PTPRT: variants seen among roughly 807,000 people sequenced by gnomAD.
PTPRT encodes receptor-type tyrosine-protein phosphatase T.
A neutral mutation model predicts 176.8 loss-of-function variants in PTPRT; 56 were observed. That is an observed-to-expected ratio of 0.32 (90% CI 0.26 to 0.40). PTPRT has a LOEUF of 0.40. PTPRT is among the 10% of genes least tolerant of loss of function. The pLI, the probability that PTPRT is intolerant of heterozygous loss-of-function variation, is 1.00. For synonymous variants in PTPRT, 783 were observed against 739.0 expected (o/e 1.06, Z -0.96); for missense variants, 1,540 against 1,908.2 (o/e 0.81, Z 3.60).
chr20:42,269,204 C>G (rs998497296), intron 13 of PTPRT, among the ~76,000 whole-genome samples: 4 of 152,226 alleles, frequency 2.6e-5, no homozygotes, highest in Non-Finnish European at 4.4e-5. Context: ...ATAATTTGCA[C>G]AAGAATCTCC....
chr20:42,154,238 A>G (rs1365293784), intron 17 of PTPRT, among the ~76,000 whole-genome samples: 2 of 152,188 alleles, frequency 1.3e-5, no homozygotes, highest in Non-Finnish European at 2.9e-5. Context: ...ATATTCTGTC[A>G]TCACTCTGTT....
chr20:42,267,625 T>C (rs548468772), intron 13 of PTPRT, among the ~76,000 whole-genome samples: 1 of 152,230 alleles, frequency 6.6e-6, no homozygotes, highest in South Asian at 2.1e-4. Flanking sequence ...ACAATTGGGG[T>C]TGACGTGCTG....
chr20:43,027,397 A>G (rs1050846877), intron 1 of PTPRT, among the ~76,000 whole-genome samples: 11 of 150,874 alleles, frequency 7.3e-5, no homozygotes, highest in Non-Finnish European at 1.6e-4. Context: ...AATCGTTTGA[A>G]CCCAGGAGGT....
the PTPRT span, among the ~76,000 whole-genome samples, chr20:42,032,045 A>T: frequency 1.3e-5 from 2 of 152,200 alleles, no homozygotes; most frequent in African/African-American, 4.8e-5. Context: ...CAGACCTGGA[A>T]TTCTAACCCA....
chr20:43,083,603 C>G (rs1367149173), intron 1 of PTPRT, among the ~76,000 whole-genome samples: 1 of 151,748 alleles, frequency 6.6e-6, no homozygotes, highest in Non-Finnish European at 1.5e-5. Context: ...AAGTGATCTG[C>G]CCACCTTGGC....
chr20:42,531,961 C>T (rs2207885), intron 7 of PTPRT, among the ~76,000 whole-genome samples: 39,900 of 152,086 alleles, frequency 0.26, 7,394 homozygotes, highest in African/African-American at 0.53. Flanking sequence ...GATGAGCGTG[C>T]CCTCATGGGA....
intron 1 of PTPRT, among the ~76,000 whole-genome samples, chr20:42,925,319 T>C (rs1600562656): frequency 6.6e-6 from 1 of 152,126 alleles, no homozygotes; most frequent in African/African-American, 2.4e-5. Flanking sequence ...AAACACATAA[T>C]GAGGCTAAAA....
At chr20:42,417,962 T>C (rs2059081575) in intron 9 of PTPRT, among the ~76,000 whole-genome samples, 1 of 152,052 alleles carries the variant, frequency 6.6e-6, no homozygotes, top group Non-Finnish European at 1.5e-5. Context: ...CTGCTCGACA[T>C]TTTTTGATCC....
At chr20:42,948,819 C>A (rs1048516478) in intron 1 of PTPRT, among the ~76,000 whole-genome samples, 1 of 152,204 alleles carries the variant, frequency 6.6e-6, no homozygotes, top group Non-Finnish European at 1.5e-5. Context: ...CCAGCTAGAG[C>A]GATGACTGCC....
chr20:42,287,831 T>C (rs1310477199), intron 12 of PTPRT, among the ~76,000 whole-genome samples: 1 of 151,882 alleles, frequency 6.6e-6, no homozygotes, highest in African/African-American at 2.4e-5. Flanking sequence ...ATGTATCCCA[T>C]AAATATTTAC....
intron 9 of PTPRT, among the ~76,000 whole-genome samples, chr20:42,444,782 C>G (rs2059348672): frequency 2.0e-5 from 3 of 152,108 alleles, no homozygotes; most frequent in African/African-American, 7.2e-5. Context: ...GAAATTACAA[C>G]TAGAACCTAA....
At chr20:42,508,114 GTAATTA>G (rs1568937061) in intron 7 of PTPRT, among the ~76,000 whole-genome samples, 5 of 147,758 alleles carry the variant, frequency 3.4e-5, no homozygotes, top group Admixed American at 1.3e-4. Context: ...AATAAAATCA[GTAATTA>G]CCCTTTTTGT....
chr20:42,702,148 C>T (rs1273325868), intron 6 of PTPRT, among the ~76,000 whole-genome samples: 2 of 152,166 alleles, frequency 1.3e-5, no homozygotes, highest in Admixed American at 6.5e-5. Flanking sequence ...GTTCCACCCT[C>T]ATGAGTATCC....
At chr20:42,548,611 A>T (rs1377017363) in intron 7 of PTPRT, among the ~76,000 whole-genome samples, 1 of 152,172 alleles carries the variant, frequency 6.6e-6, no homozygotes, top group African/African-American at 2.4e-5. Flanking sequence ...CACACATCAT[A>T]AATCAAAGCA....
rs554637631 is a variant in PTPRT, at chr20:42,375,871, C to A, written c.1561-23586G>T. ...AGGACAGTCCCATTAAAGCAAAAAA[C>A]AAAGAAGGGGGTGCCTGCTCAGAAC... On this transcript the variant is annotated intron_variant, in intron 9 of 30. Transcript: ENST00000373187. Among the ~76,000 whole-genome samples the A allele has an allele frequency of 7.5e-3, 1,143 of 152,200 alleles. 6 individuals carry two copies. Among genetic ancestry groups the A allele is most frequent in the Admixed American group, 0.016 (248 of 15,274 alleles).
intron 7 of PTPRT, among the ~76,000 whole-genome samples, chr20:42,671,747 A>G (rs148350443): frequency 9.3e-4 from 142 of 152,322 alleles, no homozygotes; most frequent in African/African-American, 3.2e-3. Context: ...TCTCATACCT[A>G]TATCTCATGA....
At chr20:42,832,751 A>G (rs1035523691) in intron 2 of PTPRT, among the ~76,000 whole-genome samples, 2 of 150,784 alleles carry the variant, frequency 1.3e-5, no homozygotes, top group African/African-American at 4.9e-5. Flanking sequence ...AAAAAACAAG[A>G]AAATTGAGTT....
At chr20:42,985,548 C>T (rs1410158579) in intron 1 of PTPRT, among the ~76,000 whole-genome samples, 1 of 152,098 alleles carries the variant, frequency 6.6e-6, no homozygotes, top group Non-Finnish European at 1.5e-5. Context: ...CAGAACAGAA[C>T]CCAACAGAAC....
At chr20:43,101,085 C>T (rs969599678) in intron 1 of PTPRT, among the ~76,000 whole-genome samples, 3 of 152,130 alleles carry the variant, frequency 2.0e-5, no homozygotes, top group African/African-American at 7.2e-5. Flanking sequence ...TAGCAGGATG[C>T]TTTAATGCCA....
Sources: allele counts gnomAD v4.1 joint callset (sites outside exome capture counted in the v4.1 genomes callset), GRCh38; gene constraint gnomAD v4.1.1; transcripts MANE v1.5; gene names NCBI Gene and HGNC (gene_info 2026-07-23, HGNC 2026-07-21).